PROS1: variants seen among roughly 807,000 people sequenced by gnomAD.
PROS1 encodes protein S, also known as vitamin K-dependent protein S.
PROS1 carries 29 observed loss-of-function variants against 75.9 expected under a neutral mutation model. The ratio of observed to expected loss-of-function variants is 0.38; its 90% CI spans 0.28 to 0.52. The LOEUF (loss-of-function observed/expected upper bound fraction) is 0.52. Ranked by LOEUF, PROS1 falls within the 20% of genes least tolerant of loss-of-function variation. The probability of loss-of-function intolerance (pLI) is 0.83; values close to 1 mark genes in which losing one functional copy is unlikely to be tolerated. For synonymous variants in PROS1, 245 were observed against 280.6 expected (o/e 0.87, Z 1.27); for missense variants, 680 against 810.3 (o/e 0.84, Z 1.95).
In PROS1 at chr3:93,884,787, G is replaced by C. The variant is rs1374546260; in HGVS notation, c.1433C>G (p.Thr478Ser). Residue 478 changes from threonine to serine, a missense_variant, in exon 12 of 15, where the codon ACT becomes AGT. Physicochemically the swap from Thr to Ser is moderately conservative, Grantham distance 58. Transcript: ENST00000394236. Reference protein sequence around the residue: ...QEKQNKHCLVTVEKGSYYPGS... With the variant: ...QEKQNKHCLVSVEKGSYYPGS... ...AGGATAGTAGGAGCCCTTCTCCACA[G>C]TAACCAGGCAATGCTTATTTTGTTT... The C allele has an allele frequency of 5.0e-6, 8 of 1,613,880 alleles. No homozygotes were observed. Among genetic ancestry groups the C allele is most frequent in the Non-Finnish European group, 6.8e-6 (8 of 1,179,878 alleles).
At chr3:93,960,532 CTTTTTTTTTTTTT>C (rs774875701) in intron 1 of PROS1, among the ~76,000 whole-genome samples, 9 of 50,120 alleles carry the variant, frequency 1.8e-4, no homozygotes, top group South Asian at 1.4e-3. Flanking sequence ...CTCCATTGCT[CTTTTTTTTTTTTT>C]TTTTTTTTTT....
intron 6 of PROS1, 126 bp downstream of exon 6, chr3:93,905,658 G>T: frequency 1.9e-6 from 2 of 1,028,452 alleles, no homozygotes; most frequent in African/African-American, 1.6e-5. Flanking sequence ...AGGCTTCAAT[G>T]TCGATAAAAA....
chr3:93,882,062 G>T (rs764253421), intron 12 of PROS1, among the ~76,000 whole-genome samples: 14 of 152,024 alleles, frequency 9.2e-5, no homozygotes, highest in Non-Finnish European at 1.6e-4. Flanking sequence ...GGATATTCAA[G>T]TTCAGTAGAA....
chr3:93,958,734 G>T (rs1709651041), intron 1 of PROS1: 1 of 152,318 alleles, frequency 6.6e-6, no homozygotes, highest in Non-Finnish European at 1.5e-5. Flanking sequence ...AGGGGTTTCT[G>T]CTTTTGCGTC....
intron 6 of PROS1, among the ~76,000 whole-genome samples, chr3:93,904,990 C>T (rs1355361699): frequency 6.6e-6 from 1 of 152,122 alleles, no homozygotes; most frequent in Non-Finnish European, 1.5e-5. Context: ...AGATCTTTTA[C>T]TTTCCCAAAA....
intron 1 of PROS1, among the ~76,000 whole-genome samples, chr3:93,935,535 C>T (rs1405575824): frequency 6.6e-6 from 1 of 152,074 alleles, no homozygotes; most frequent in African/African-American, 2.4e-5. Flanking sequence ...AAAAAGGCAA[C>T]AGTAAAATAA....
chr3:93,882,456 G>T (rs898443048), intron 12 of PROS1, among the ~76,000 whole-genome samples: 1 of 152,156 alleles, frequency 6.6e-6, no homozygotes, highest in African/African-American at 2.4e-5. Context: ...CAAATTATCT[G>T]CATAATCATG....
intron 1 of PROS1, among the ~76,000 whole-genome samples, chr3:93,948,663 A>T (rs1402109037): frequency 6.6e-6 from 1 of 152,280 alleles, no homozygotes; most frequent in African/African-American, 2.4e-5. Flanking sequence ...AATAATGTTT[A>T]GAAACAGAAT....
chr3:93,880,857 T>G (rs1179679927), intron 12 of PROS1, among the ~76,000 whole-genome samples: 3 of 152,214 alleles, frequency 2.0e-5, no homozygotes, highest in Non-Finnish European at 4.4e-5. Flanking sequence ...TTTCATTACC[T>G]TTTCAGGATT....
chr3:93,927,136 G>T, intron 2 of PROS1, 114 bp downstream of exon 2: 1 of 1,351,176 alleles, frequency 7.4e-7, no homozygotes, highest in Non-Finnish European at 1.1e-6. Context: ...TGTGGAAGGT[G>T]ATACACAGAA....
chr3:93,909,355 A>C (rs1240754627), intron 4 of PROS1, among the ~76,000 whole-genome samples: 1 of 150,866 alleles, frequency 6.6e-6, no homozygotes, highest in African/African-American at 2.4e-5. Context: ...GGATTGCTTG[A>C]ACCTAGGAGG....
intron 1 of PROS1, among the ~76,000 whole-genome samples, chr3:93,969,459 A>T (rs996601121): frequency 6.6e-6 from 1 of 152,164 alleles, no homozygotes; most frequent in African/African-American, 2.4e-5. Context: ...CTTTTGTGGG[A>T]ACTGTTCTTC....
intron 1 of PROS1, among the ~76,000 whole-genome samples, chr3:93,940,113 C>T (rs1372950088): frequency 6.6e-6 from 1 of 152,230 alleles, no homozygotes; most frequent in Non-Finnish European, 1.5e-5. Context: ...CAAGGAATGC[C>T]CGCAGCCCGG....
At chr3:93,963,481 G>A (rs1352603613) in intron 1 of PROS1, among the ~76,000 whole-genome samples, 8 of 152,040 alleles carry the variant, frequency 5.3e-5, no homozygotes, top group Non-Finnish European at 1.2e-4. Flanking sequence ...ACTAATCTCT[G>A]GCTTACAGAT....
chr3:93,957,302 G>C (rs543443584), intron 1 of PROS1, among the ~76,000 whole-genome samples: 21 of 152,224 alleles, frequency 1.4e-4, no homozygotes, highest in Middle Eastern at 3.4e-3. Context: ...GTGGACAAAA[G>C]CTTAGAAGAA....
At position 93,937,962 on chromosome 3, in the gene PROS1, G is replaced by A. The variant is rs1326115186; in HGVS notation, c.77-10555C>T. Among the ~76,000 whole-genome samples, 11 of 152,218 alleles carry A rather than the reference G, an allele frequency of 7.2e-5. No homozygotes were observed. The South Asian group carries it at 2.1e-3, about 29-fold the overall frequency. On this transcript the variant is annotated intron_variant, in intron 1 of 14. Transcript: ENST00000394236. ...GACTTTAACACAGCTTTAGCAGGAG[G>A]GTGGGAGAAGGCAACTAGAAGCAGA...
At chr3:93,927,446 T>C (rs1380539233) in intron 1 of PROS1, 39 bp from the exon 2 acceptor site, 1 of 1,594,014 alleles carries the variant, frequency 6.3e-7, no homozygotes. Flanking sequence ...TAATCATTTT[T>C]CCATGTAAAA....
chr3:93,924,617 T>C (rs150118344), intron 2 of PROS1, among the ~76,000 whole-genome samples: 3 of 152,076 alleles, frequency 2.0e-5, no homozygotes, highest in African/African-American at 7.2e-5. Context: ...TATGTCATAA[T>C]GGTCACCTAC....
chr3:93,893,183 TTC>T, intron 9 of PROS1, 61 bp from the exon 10 acceptor site: 1 of 1,402,508 alleles, frequency 7.1e-7, no homozygotes, highest in Non-Finnish European at 9.9e-7. Context: ...CAATGCATTA[TTC>T]TTTTTTTCTT....
Sources: allele counts gnomAD v4.1 joint callset (sites outside exome capture counted in the v4.1 genomes callset), GRCh38; gene constraint gnomAD v4.1.1; transcripts MANE v1.5; gene names NCBI Gene and HGNC (gene_info 2026-07-23, HGNC 2026-07-21).